BRMS1L: variants seen among roughly 807,000 people sequenced by gnomAD.
The protein encoded by BRMS1L is BRMS1 like transcriptional repressor, also known as breast cancer metastasis-suppressor 1-like protein.
BRMS1L carries 23 observed loss-of-function variants against 50.3 expected under a neutral mutation model. The observed-to-expected ratio is 0.46, with a 90% CI of 0.33 to 0.65. The LOEUF (loss-of-function observed/expected upper bound fraction) is 0.65, where lower values mean the gene tolerates loss of function less well. Among genes scored for constraint, BRMS1L ranks in the 30% least tolerant of loss-of-function variants. BRMS1L has a pLI of 0.02. For synonymous variants in BRMS1L, 114 were observed against 126.9 expected (o/e 0.90, Z 0.69); for missense variants, 286 against 386.1 (o/e 0.74, Z 2.17).
At chr14:35,857,868 C>T (rs527632855) in intron 4 of BRMS1L, among the ~76,000 whole-genome samples, 2 of 148,488 alleles carry the variant, frequency 1.3e-5, no homozygotes, top group East Asian at 1.9e-4. Context: ...TCAATTCTTC[C>T]TACAGACCTT....
chr14:35,853,535 T>C (rs895438932), intron 4 of BRMS1L, among the ~76,000 whole-genome samples: 18 of 151,020 alleles, frequency 1.2e-4, no homozygotes, highest in African/African-American at 4.1e-4. Context: ...TGCCCCAGCC[T>C]CCCAAGTAGC....
rs2078485650 is a variant in BRMS1L, at chr14:35,871,013, T to C, written c.*536T>C. 1 of 152,648 alleles carries C rather than the reference T, an allele frequency of 6.6e-6. No individual in the cohort carries two copies. The highest frequency in any genetic ancestry group is 2.1e-4 in the South Asian group (1 of 4,828). 9.5% of individuals were successfully genotyped at this position (152,648 alleles called of 1,614,324 possible). ...GATGGCCATACCTTACAATCTTGTT[T>C]TACCCAAAATTAAGCTATTGGGGTT... On this transcript the variant is annotated 3_prime_UTR_variant, in exon 10 of 10. Coordinates refer to ENST00000216807, the MANE Select transcript of BRMS1L (RefSeq NM_032352.4).
At chr14:35,844,550 G>T (rs1378601517) in intron 4 of BRMS1L, among the ~76,000 whole-genome samples, 1 of 152,196 alleles carries the variant, frequency 6.6e-6, no homozygotes, top group Non-Finnish European at 1.5e-5. Context: ...AGATGAACCG[G>T]GTACCCTAGT....
At chr14:35,864,409 G>A (rs977915450) in intron 6 of BRMS1L, among the ~76,000 whole-genome samples, 6 of 151,930 alleles carry the variant, frequency 3.9e-5, no homozygotes, top group Admixed American at 6.6e-5. Flanking sequence ...CTACAGGCAC[G>A]TGCCACTCGC....
intron 8 of BRMS1L, 159 bp downstream of exon 8, chr14:35,865,920 C>T (rs1001721893): frequency 1.9e-5 from 12 of 642,606 alleles, no homozygotes; most frequent in South Asian, 1.2e-4. Context: ...CATTGCTTCA[C>T]GTAAAAGTTT....
At chr14:35,830,941 A>ATTTTT (rs762350767) in intron 1 of BRMS1L, among the ~76,000 whole-genome samples, 3 of 131,684 alleles carry the variant, frequency 2.3e-5, no homozygotes, top group Non-Finnish European at 4.9e-5. Context: ...TCTATAGTGG[A>ATTTTT]TTTTTTTTTT....
At chr14:35,866,195 C>A (rs1393516722) in intron 8 of BRMS1L, 1 of 155,946 alleles carries the variant, frequency 6.4e-6, no homozygotes, top group African/African-American at 2.4e-5. Flanking sequence ...AGTTACACTT[C>A]CTTGATTTTT....
chr14:35,867,984 T>C lies in BRMS1L; in HGVS notation c.806T>C (p.Ile269Thr). The C allele has an allele frequency of 6.2e-7, 1 of 1,611,280 alleles. No individual in the cohort carries two copies. The highest frequency in any genetic ancestry group is 1.1e-5 in the South Asian group (1 of 90,668). Reference sequence around the variant, plus strand: ...CTATATTATGATGGTGAATGGTATATACGTGGACAAACAATATGTATTGAT... The same window carrying C: ...CTATATTATGATGGTGAATGGTATACACGTGGACAAACAATATGTATTGAT... The part of the protein sequence containing the change: ...GRLYYDGEWY[I>T]RGQTICIDKK... The change falls in exon 9 of 10, where the codon ATA becomes ACA. Residue 269 changes from isoleucine to threonine, a missense_variant. By Grantham distance (89) the Ile-to-Thr change is moderately conservative. Coordinates refer to ENST00000216807, the MANE Select transcript of BRMS1L (RefSeq NM_032352.4).
chr14:35,829,823 T>C, intron 1 of BRMS1L: 1 of 1,256,478 alleles, frequency 8.0e-7, no homozygotes, highest in South Asian at 1.3e-5. Context: ...AAGATCAAGA[T>C]GCAGATCATT....
At chr14:35,851,083 C>A (rs1209505544) in intron 4 of BRMS1L, among the ~76,000 whole-genome samples, 1 of 152,160 alleles carries the variant, frequency 6.6e-6, no homozygotes, top group Non-Finnish European at 1.5e-5. Flanking sequence ...GGAGGTTTCA[C>A]AGTCTGATTT....
chr14:35,865,725 A>C lies in BRMS1L; in HGVS notation c.691A>C (p.Met231Leu), dbSNP rs767580731. The change falls in exon 8 of 10, where the codon ATG becomes CTG. Residue 231 changes from methionine to leucine, a missense_variant. This residue lies in a region of BRMS1L where 160 missense variants were observed against 240.6 expected (regional missense o/e 0.66). Transcript: ENST00000216807. ...LEDWTTIRKA[M>L]ATLGPHRVKT... Reference sequence around the variant, plus strand: ...TTTTTTTTTTTTTTTAATTAAGGCAATGGCTACATTGGGGCCACACAGAGT... The same window carrying C: ...TTTTTTTTTTTTTTTAATTAAGGCACTGGCTACATTGGGGCCACACAGAGT... 5 of 1,583,654 alleles carry C rather than the reference A, an allele frequency of 3.2e-6. No individual in the cohort carries two copies. The highest frequency in any genetic ancestry group is 4.3e-6 in the Non-Finnish European group (5 of 1,173,082).
At chr14:35,847,826 G>A (rs747738005) in intron 4 of BRMS1L, among the ~76,000 whole-genome samples, 1 of 152,048 alleles carries the variant, frequency 6.6e-6, no homozygotes, top group Non-Finnish European at 1.5e-5. Flanking sequence ...ATTTTCCTCC[G>A]TGACTGGCTT....
At chr14:35,826,814 G>C (rs2077851472) in intron 1 of BRMS1L, 156 bp downstream of exon 1, 5 of 1,065,034 alleles carry the variant, frequency 4.7e-6, no homozygotes, top group Non-Finnish European at 6.5e-6. Context: ...ACCCTGACCG[G>C]TCGCTGGGCG....
chr14:35,843,826 G>T (rs2078097624), intron 4 of BRMS1L, among the ~76,000 whole-genome samples: 1 of 152,244 alleles, frequency 6.6e-6, no homozygotes, highest in Admixed American at 6.5e-5. Flanking sequence ...AGGGAGATGG[G>T]AGTTTTATCT....
chr14:35,847,056 C>T (rs1383430226), intron 4 of BRMS1L, among the ~76,000 whole-genome samples: 1 of 152,004 alleles, frequency 6.6e-6, no homozygotes, highest in Non-Finnish European at 1.5e-5. Context: ...CTCACTGCAA[C>T]ATCTGCCTCC....
At chr14:35,835,169 G>A (rs2077975203) in intron 4 of BRMS1L, among the ~76,000 whole-genome samples, 1 of 151,948 alleles carries the variant, frequency 6.6e-6, no homozygotes, top group South Asian at 2.1e-4. Context: ...ACTTTAAAAA[G>A]ACTTTGCAAC....
chr14:35,828,175 T>C (rs1328460424), intron 1 of BRMS1L, among the ~76,000 whole-genome samples: 1 of 152,126 alleles, frequency 6.6e-6, no homozygotes, highest in African/African-American at 2.4e-5. Context: ...TGCTTTTTTT[T>C]TTCTTTTCTC....
At chr14:35,867,583 T>C (rs1000937313) in intron 8 of BRMS1L, among the ~76,000 whole-genome samples, 1 of 152,220 alleles carries the variant, frequency 6.6e-6, no homozygotes, top group African/African-American at 2.4e-5. Context: ...AATTGAAATA[T>C]GGCAATTGAT....
intron 4 of BRMS1L, among the ~76,000 whole-genome samples, chr14:35,840,406 C>T (rs887102965): frequency 1.3e-5 from 2 of 152,192 alleles, no homozygotes; most frequent in African/African-American, 4.8e-5. Context: ...GGAGGATTCC[C>T]TCTTTTTCTA....
Sources: gnomAD v4.1 joint callset for allele counts (sites outside exome capture counted in the v4.1 genomes callset) on GRCh38, gnomAD v4.1.1 for gene constraint, gnomAD v4.1.1 regional missense constraint, MANE v1.5 for transcripts, NCBI Gene and HGNC (gene_info 2026-07-23, HGNC 2026-07-21) for gene names.